The following AKR1C3 variants were observed in gnomAD, a reference collection of about 807,000 sequenced individuals.
AKR1C3 encodes aldo-keto reductase family 1 member C3, also known as 3-alpha hydroxysteroid dehydrogenase, type II.
AKR1C3 carries 48 observed loss-of-function variants against 43.6 expected under a neutral mutation model. The ratio of observed to expected loss-of-function variants is 1.10; its 90% CI spans 0.87 to 1.40. The LOEUF (loss-of-function observed/expected upper bound fraction) is 1.40. Among genes scored for constraint, AKR1C3 ranks in the 40% most tolerant of loss-of-function variants. AKR1C3 has a pLI of 0.00. For missense variants in AKR1C3, 482 were observed against 391.2 expected, an observed-to-expected ratio of 1.23 and a Z score of -1.96; for synonymous variants, 162 against 139.6, an observed-to-expected ratio of 1.16 and a Z score of -1.13.
At chr10:5,056,920 C>T (rs2131778499) in intron 1 of AKR1C3, among the ~76,000 whole-genome samples, 1 of 152,296 alleles carries the variant, frequency 6.6e-6, no homozygotes, top group Non-Finnish European at 1.5e-5. Flanking sequence ...ACCTTGAGGA[C>T]AGTCATCCAG....
intron 1 of AKR1C3, among the ~76,000 whole-genome samples, chr10:5,058,745 T>C (rs202167415): frequency 2.0e-5 from 3 of 152,162 alleles, no homozygotes; most frequent in Non-Finnish European, 1.5e-5. Flanking sequence ...CCAGACCACA[T>C]GGAGGACCAA....
intron 2 of AKR1C3, among the ~76,000 whole-genome samples, chr10:5,096,810 C>T (rs782533612): frequency 6.6e-6 from 1 of 152,140 alleles, no homozygotes; most frequent in Admixed American, 6.6e-5. Context: ...TGAGCTTCAG[C>T]TGAGATCAGT....
At chr10:5,092,701 C>T (rs1443952673), upstream of AKR1C3, among the ~76,000 whole-genome samples, 1 of 151,870 alleles carries the variant, frequency 6.6e-6, no homozygotes, top group Non-Finnish European at 1.5e-5. Context: ...TTCCCAATTT[C>T]CTGTAGTTCT....
In AKR1C3 at chr10:5,057,212, C is replaced by G. The variant is rs145960746; in HGVS notation, c.84+8317C>G. 1.9e-3 allele frequency among the ~76,000 whole-genome samples: 296 copies of G among 152,266 alleles called. 1 individual carries two copies. Among genetic ancestry groups the G allele is most frequent in the African/African-American group, 6.7e-3 (280 of 41,538 alleles). The stretch of plus-strand genomic sequence containing the variant: ...CATTGGACAATCTTTTTTAAAGTGT[C>G]CTAGTAAACCACACTGATAACAGGC... On this transcript the variant is annotated intron_variant, in intron 1 of 8. Coordinates refer to the AKR1C3 transcript ENST00000439082.
At chr10:5,099,514 A>G (rs558754401) in intron 5 of AKR1C3, 65 bp downstream of exon 5, 5 of 1,607,550 alleles carry the variant, frequency 3.1e-6, no homozygotes, top group Middle Eastern at 1.7e-4. Flanking sequence ...CTATTGCCAA[A>G]TATCTGTTTG....
At chr10:5,066,169 GACAA>G (rs1235991676) in intron 1 of AKR1C3, among the ~76,000 whole-genome samples, 7 of 152,164 alleles carry the variant, frequency 4.6e-5, no homozygotes, top group Non-Finnish European at 8.8e-5. Flanking sequence ...ATTTGCAGGA[GACAA>G]ACAAAATTTT....
intron 1 of AKR1C3, among the ~76,000 whole-genome samples, chr10:5,084,075 A>G (rs1428580821): frequency 3.9e-5 from 6 of 152,146 alleles, no homozygotes. Flanking sequence ...GAAGCTCTTT[A>G]GTTTAATTAG....
At chr10:5,054,429 C>G (rs4880702) in intron 1 of AKR1C3, among the ~76,000 whole-genome samples, 42,029 of 151,932 alleles carry the variant, frequency 0.28, 5,945 homozygotes, top group East Asian at 0.41. Context: ...CTGATAAGGT[C>G]TGATTTCCTG....
chr10:5,079,041 T>G (rs2131814364), intron 1 of AKR1C3, among the ~76,000 whole-genome samples: 1 of 152,364 alleles, frequency 6.6e-6, no homozygotes, highest in East Asian at 1.9e-4. Flanking sequence ...TTGGATGGCA[T>G]GCTAGACCTT....
intron 1 of AKR1C3, among the ~76,000 whole-genome samples, chr10:5,087,915 T>C (rs553726891): frequency 6.6e-6 from 1 of 152,222 alleles, no homozygotes; most frequent in Admixed American, 6.5e-5. Context: ...GAAGTGACTT[T>C]AGGTGGTGAG....
At chr10:5,098,183 A>G in intron 3 of AKR1C3, 1 of 985,564 alleles carries the variant, frequency 1.0e-6, no homozygotes, top group Non-Finnish European at 1.2e-6. Flanking sequence ...AGTCAAAGAC[A>G]TGGCTACATT....
At chr10:5,107,415 A>C in intron 8 of AKR1C3, 46 bp from the exon 9 acceptor site, 1 of 1,320,868 alleles carries the variant, frequency 7.6e-7, no homozygotes, top group Non-Finnish European at 1.1e-6. Context: ...CTACTCCCCT[A>C]GTAATGGAGT....
At chr10:5,080,416 G>A (rs1838809246) in intron 1 of AKR1C3, among the ~76,000 whole-genome samples, 1 of 152,116 alleles carries the variant, frequency 6.6e-6, no homozygotes, top group African/African-American at 2.4e-5. Context: ...TTGAGGCCAG[G>A]AGTTCATGAC....
intron 1 of AKR1C3, among the ~76,000 whole-genome samples, chr10:5,077,147 C>G (rs1245599557): frequency 2.6e-5 from 4 of 152,004 alleles, no homozygotes; most frequent in Non-Finnish European, 5.9e-5. Flanking sequence ...TAATATTCCC[C>G]TCTTGTCCAC....
At chr10:5,083,962 T>C (rs1838897020) in intron 1 of AKR1C3, among the ~76,000 whole-genome samples, 1 of 152,248 alleles carries the variant, frequency 6.6e-6, no homozygotes, top group Admixed American at 6.5e-5. Context: ...GAGTTCATTG[T>C]AGATTCTGGA....
chr10:5,063,764 G>GGAAAAA (rs1406943359), intron 1 of AKR1C3, among the ~76,000 whole-genome samples: 1 of 33,434 alleles, frequency 3.0e-5, no homozygotes, highest in East Asian at 7.1e-4. Context: ...CTCTGTCTCA[G>GGAAAAA]CAAAAAAAAA....
At chr10:5,107,053 C>T (rs1448885725) in intron 8 of AKR1C3, among the ~76,000 whole-genome samples, 4 of 152,118 alleles carry the variant, frequency 2.6e-5, no homozygotes, top group Non-Finnish European at 5.9e-5. Flanking sequence ...ATTTTTAATG[C>T]ACTGTAGCTC....
Position 5,105,293 on chromosome 10 carries a change from TGTGGGC to T in AKR1C3, c.847-301_847-296del, listed in dbSNP as rs1564372845. ...GCCTTCTAGGTACATGACCCTATCATGTGGGCACAATGTGACCCTATCATGTGGGCA... is the reference window on the plus strand; with the variant it reads ...GCCTTCTAGGTACATGACCCTATCATACAATGTGACCCTATCATGTGGGCA... On this transcript the variant is annotated intron_variant, in intron 7 of 8. Coordinates refer to ENST00000380554, the MANE Select transcript of AKR1C3 (RefSeq NM_003739.6). 16 of 8,366 alleles carry T rather than the reference TGTGGGC, an allele frequency of 1.9e-3. No individual in the cohort carries two copies. In the East Asian group the frequency reaches 0.074, roughly 39 times the overall value. 0.5% of individuals were successfully genotyped at this position (8,366 alleles called of 1,614,324 possible). A position where few individuals can be genotyped will look rare whatever the true frequency, so the allele number is the denominator to read the frequency against.
At chr10:5,080,383 G>A (rs958393421) in intron 1 of AKR1C3, among the ~76,000 whole-genome samples, 2 of 152,172 alleles carry the variant, frequency 1.3e-5, no homozygotes, top group Non-Finnish European at 2.9e-5. Context: ...CAGCATGTTG[G>A]AAGGCTAAGG....
Sources: allele counts gnomAD v4.1 joint callset (sites outside exome capture counted in the v4.1 genomes callset), GRCh38; gene constraint gnomAD v4.1.1; transcripts MANE v1.5; gene names NCBI Gene and HGNC (gene_info 2026-07-23, HGNC 2026-07-21).